Variants in CALCR observed in about 807,000 individuals in gnomAD.
CALCR encodes the protein calcitonin receptor.
Under a neutral mutation model 59.5 loss-of-function variants are expected in CALCR, and 47 were observed. The ratio of observed to expected loss-of-function variants is 0.79; its 90% confidence interval spans 0.63 to 1.01. CALCR has a LOEUF of 1.01. Ranked by LOEUF, CALCR falls within the 50% of genes least tolerant of loss-of-function variation. The pLI, the probability that CALCR is intolerant of heterozygous loss-of-function variation, is 0.00. For synonymous variants in CALCR, 213 were observed against 211.3 expected, an observed-to-expected ratio of 1.01 and a Z score of -0.07; for missense variants, 566 against 597.1, an observed-to-expected ratio of 0.95 and a Z score of 0.54.
intron 9 of CALCR, among the ~76,000 whole-genome samples, chr7:93,443,036 C>A (rs909302664): frequency 6.6e-6 from 1 of 152,020 alleles, no homozygotes; most frequent in African/African-American, 2.4e-5. Flanking sequence ...CTTAAACAAT[C>A]CAGCCCTAAG....
chr7:93,533,937 A>G (rs1052703493), intron 2 of CALCR, among the ~76,000 whole-genome samples: 1 of 151,816 alleles, frequency 6.6e-6, no homozygotes, highest in Non-Finnish European at 1.5e-5. Context: ...AGAAACTCTT[A>G]TTGCTCTAGA....
intron 2 of CALCR, among the ~76,000 whole-genome samples, chr7:93,555,901 A>C (rs1789591365): frequency 6.6e-6 from 1 of 152,210 alleles, no homozygotes; most frequent in Non-Finnish European, 1.5e-5. Context: ...TTTAATGAAA[A>C]CAGTCATGTC....
chr7:93,465,403 T>C (rs1026637974), intron 7 of CALCR, among the ~76,000 whole-genome samples: 3 of 151,926 alleles, frequency 2.0e-5, no homozygotes, highest in African/African-American at 7.2e-5. Flanking sequence ...CAGTAAGAAA[T>C]CTTGCTGAAC....
chr7:93,445,186 A>G (rs1401421042), intron 8 of CALCR, among the ~76,000 whole-genome samples: 1 of 152,096 alleles, frequency 6.6e-6, no homozygotes, highest in Non-Finnish European at 1.5e-5. Context: ...TTGGCTCAGA[A>G]AAGCACTGGC....
At position 93,426,469 on chromosome 7, in the gene CALCR, TGTC is replaced by T. The variant is rs1799530370; in HGVS notation, c.1309_1311del (p.Asp437del). The T allele has an allele frequency of 6.2e-7, 1 of 1,613,808 alleles. No individual in the cohort carries two copies. Among genetic ancestry groups the T allele is most frequent in the South Asian group, 1.1e-5 (1 of 91,082 alleles). On this transcript the variant is annotated inframe_deletion, in exon 14 of 14. Coordinates refer to ENST00000426151, the MANE Select transcript of CALCR (RefSeq NM_001742.4). Reference sequence around the variant, plus strand: ...TCCTGATGGCAGATGTAAATTGGGATGTCGCCAGCCTCCGCAGCAGCGGCTGCA... The same window carrying T: ...TCCTGATGGCAGATGTAAATTGGGATGCCAGCCTCCGCAGCAGCGGCTGCA...
At chr7:93,522,720 C>T (rs1388778635) in intron 2 of CALCR, among the ~76,000 whole-genome samples, 2 of 152,168 alleles carry the variant, frequency 1.3e-5, no homozygotes, top group Non-Finnish European at 2.9e-5. Flanking sequence ...GCCCAGCATG[C>T]CATCTGTGCT....
intron 5 of CALCR, among the ~76,000 whole-genome samples, chr7:93,474,437 C>T (rs928817735): frequency 1.3e-5 from 2 of 151,606 alleles, no homozygotes; most frequent in Non-Finnish European, 3.0e-5. Context: ...GGTGAAATCT[C>T]ATAAATGATC....
At chr7:93,447,573 T>C (rs907051525) in intron 8 of CALCR, among the ~76,000 whole-genome samples, 2 of 151,820 alleles carry the variant, frequency 1.3e-5, no homozygotes, top group Non-Finnish European at 2.9e-5. Context: ...GTATGAGAAA[T>C]AGAAAGGAGA....
At chr7:93,502,933 G>A (rs893351927) in intron 2 of CALCR, among the ~76,000 whole-genome samples, 1 of 151,948 alleles carries the variant, frequency 6.6e-6, no homozygotes, top group South Asian at 2.1e-4. Flanking sequence ...TTATGCAGCA[G>A]GCACTATGAG....
At chr7:93,463,363 A>T (rs900204408) in intron 7 of CALCR, among the ~76,000 whole-genome samples, 3 of 151,916 alleles carry the variant, frequency 2.0e-5, no homozygotes, top group Admixed American at 6.6e-5. Context: ...AACTAGATAA[A>T]CTGCTAGCCT....
intron 2 of CALCR, among the ~76,000 whole-genome samples, chr7:93,490,820 G>A (rs1801058257): frequency 6.6e-6 from 1 of 151,960 alleles, no homozygotes; most frequent in South Asian, 2.1e-4. Flanking sequence ...TCGTGAAAAT[G>A]GCCATACTGC....
In CALCR at chr7:93,487,005, G is replaced by A. The variant is rs1252619010; in HGVS notation, c.-24C>T. On this transcript the variant is annotated splice_region_variant and 5_prime_UTR_variant, in exon 3 of 14. Transcript: ENST00000426151. ...ATTTTTGATTTTTGAAGATCTCTTT[G>A]TCCTAGAAAAATATAAAAGCAACAA... 3 of 1,534,640 alleles carry A rather than the reference G, an allele frequency of 2.0e-6. No homozygotes were observed. In the Admixed American group the frequency reaches 5.1e-5, roughly 26 times the overall value.
intron 7 of CALCR, among the ~76,000 whole-genome samples, chr7:93,462,838 C>T (rs183037463): frequency 6.6e-6 from 1 of 152,016 alleles, no homozygotes; most frequent in East Asian, 1.9e-4. Context: ...CTTTTGTGTG[C>T]CTGCTCTACT....
intron 8 of CALCR, among the ~76,000 whole-genome samples, chr7:93,460,453 G>C (rs971971709): frequency 1.3e-5 from 2 of 150,296 alleles, no homozygotes; most frequent in African/African-American, 2.5e-5. Flanking sequence ...CTACTCAGGA[G>C]GCTGAGGCAG....
chr7:93,519,622 T>C (rs1801717611), intron 2 of CALCR, among the ~76,000 whole-genome samples: 1 of 152,062 alleles, frequency 6.6e-6, no homozygotes, highest in South Asian at 2.1e-4. Context: ...CAAATTCAAT[T>C]CTGTTATAAT....
In CALCR at chr7:93,468,712, T is replaced by C. The variant is rs1562985815; in HGVS notation, c.521+3A>G. On this transcript the variant is annotated splice_donor_region_variant and intron_variant, in intron 7 of 13. Transcript: ENST00000426151. ...AAAGAGCAGATGCTGTGAGTGTACT[T>C]ACCTGAAAAACACGAAAATCCCCAG... 3 of 1,597,114 alleles carry C rather than the reference T, an allele frequency of 1.9e-6. No homozygotes were observed. The highest frequency in any genetic ancestry group is 2.6e-6 in the Non-Finnish European group (3 of 1,165,892).
At chr7:93,492,419 T>C (rs1801101919) in intron 2 of CALCR, among the ~76,000 whole-genome samples, 1 of 151,456 alleles carries the variant, frequency 6.6e-6, no homozygotes, top group African/African-American at 2.4e-5. Flanking sequence ...AATGTATGCC[T>C]ATTATACTTG....
chr7:93,474,025 A>G (rs1215046055), intron 5 of CALCR, among the ~76,000 whole-genome samples: 1 of 151,768 alleles, frequency 6.6e-6, no homozygotes, highest in African/African-American at 2.4e-5. Context: ...AGGCCACCAT[A>G]GCAACTACAA....
chr7:93,437,795 T>C (rs937330304), intron 11 of CALCR, among the ~76,000 whole-genome samples: 4 of 152,280 alleles, frequency 2.6e-5, no homozygotes, highest in Admixed American at 6.5e-5. Flanking sequence ...TAGGAGAATC[T>C]AGTTATAAAA....
Sources: allele counts gnomAD v4.1 joint callset (sites outside exome capture counted in the v4.1 genomes callset), GRCh38; gene constraint gnomAD v4.1.1; transcripts MANE v1.5; gene names NCBI Gene and HGNC (gene_info 2026-07-23, HGNC 2026-07-21).